Variants in CCDC80 observed in about 807,000 individuals in gnomAD.
CCDC80 encodes the protein coiled-coil domain containing 80.
A neutral mutation model predicts 78.7 loss-of-function variants in CCDC80; 49 were observed. That is an observed-to-expected ratio of 0.62 (90% CI 0.50 to 0.79). The LOEUF is 0.79. Ranked by LOEUF, CCDC80 falls within the 30% of genes least tolerant of loss-of-function variation. The pLI is 0.00. For missense variants in CCDC80, 1,205 were observed against 1,198.6 expected (o/e 1.01, Z -0.08); for synonymous variants, 488 against 447.0 (o/e 1.09, Z -1.16).
chr3:112,626,923 C>A (rs373548345), intron 3 of CCDC80, among the ~76,000 whole-genome samples: 2 of 152,130 alleles, frequency 1.3e-5, no homozygotes, highest in Admixed American at 6.5e-5. Flanking sequence ...CTCCTTGTTG[C>A]CATATTCCAC....
At position 112,602,741 on chromosome 3, in the gene CCDC80, G is replaced by T. The variant is rs1438047761; in HGVS notation, c.*2676C>A. On this transcript the variant is annotated 3_prime_UTR_variant, in exon 8 of 8. Coordinates refer to ENST00000206423, the MANE Select transcript of CCDC80 (RefSeq NM_199511.3). ...AGAAAAAAAGTTTGAAGGTAGCAGA[G>T]TCTGGTTCATGAGTTTGAAGAAAAG... 6.6e-6 allele frequency: 1 copy of T among 152,284 alleles called. No homozygotes were observed. 9.4% of individuals were successfully genotyped at this position (152,284 alleles called of 1,614,324 possible). A position where few individuals can be genotyped will look rare whatever the true frequency, so the allele number is the denominator to read the frequency against.
chr3:112,629,125 A>C (rs1321482568), intron 3 of CCDC80, among the ~76,000 whole-genome samples: 1 of 152,180 alleles, frequency 6.6e-6, no homozygotes, highest in Non-Finnish European at 1.5e-5. Flanking sequence ...CTGTGTGATA[A>C]TGTTATGTGT....
Position 112,640,802 on chromosome 3 carries a change from G to C in CCDC80, c.-487C>G, listed in dbSNP as rs1449044206. On this transcript the variant is annotated 5_prime_UTR_variant, in exon 1 of 8. Transcript: ENST00000206423. ...AGTCTGGCTTAGTCTCTTTGTTTCC[G>C]GGCGTAAAAGCACTGGGATTAATAT... 1 of 152,130 alleles carries C rather than the reference G, an allele frequency of 6.6e-6. No individual in the cohort carries two copies. The highest frequency in any genetic ancestry group is 1.5e-5 in the Non-Finnish European group (1 of 68,036). The allele number at this position is 152,130 out of a possible 1,614,324, so 9.4% of individuals were successfully genotyped here. A position where few individuals can be genotyped will look rare whatever the true frequency, so the allele number is the denominator to read the frequency against.
chr3:112,606,632 C>A (rs918493034), intron 7 of CCDC80, among the ~76,000 whole-genome samples: 3 of 147,792 alleles, frequency 2.0e-5, no homozygotes, highest in Non-Finnish European at 4.5e-5. Context: ...ACCATGTTGG[C>A]CAGGCTGGTT....
At chr3:112,632,839 G>C (rs1016927377) in intron 2 of CCDC80, among the ~76,000 whole-genome samples, 1 of 152,114 alleles carries the variant, frequency 6.6e-6, no homozygotes, top group East Asian at 1.9e-4. Context: ...GGCCCTCCAC[G>C]TTCTGGCCCC....
rs1935363537 is a variant in CCDC80 at position 112,600,983 on chromosome 3, C to T, written c.*4434G>A. 1.3e-5 allele frequency: 2 copies of T among 152,150 alleles called. No individual in the cohort carries two copies. Among genetic ancestry groups the T allele is most frequent in the Admixed American group, 1.3e-4 (2 of 15,276 alleles). 9.4% of individuals were successfully genotyped at this position (152,150 alleles called of 1,614,324 possible). A position where few individuals can be genotyped will look rare whatever the true frequency, so the allele number is the denominator to read the frequency against. On this transcript the variant is annotated 3_prime_UTR_variant, in exon 8 of 8. Coordinates refer to ENST00000206423, the MANE Select transcript of CCDC80 (RefSeq NM_199511.3). The stretch of plus-strand genomic sequence containing the variant: ...TCGACGTGGCTCACTTTCCTGCACA[C>T]CTCAGGCAGCTTGTACAGACTATCC...
chr3:112,613,497 TA>T (rs957108014), intron 5 of CCDC80, among the ~76,000 whole-genome samples: 15 of 151,166 alleles, frequency 9.9e-5, no homozygotes, highest in East Asian at 1.9e-4. Flanking sequence ...TTCTTGAGAA[TA>T]AAAAAAAATA....
chr3:112,597,995 G>A lies in CCDC80; in HGVS notation c.*7422C>T, dbSNP rs1386635744. On this transcript the variant is annotated 3_prime_UTR_variant, in exon 8 of 8. Coordinates refer to ENST00000206423, the MANE Select transcript of CCDC80 (RefSeq NM_199511.3). ...AAATGTTTGAATTATCGTATAACTT[G>A]AGTCTAAATTTTAAGTTAGTATCCT... The A allele has an allele frequency of 6.6e-6, 1 of 152,122 alleles. No individual in the cohort carries two copies. Among genetic ancestry groups the A allele is most frequent in the Non-Finnish European group, 1.5e-5 (1 of 68,040 alleles). 9.4% of individuals were successfully genotyped at this position (152,122 alleles called of 1,614,324 possible).
chr3:112,605,823 A>T, intron 7 of CCDC80, 60 bp from the exon 8 acceptor site: 2 of 1,390,654 alleles, frequency 1.4e-6, no homozygotes, highest in Non-Finnish European at 2.0e-6. Context: ...CCATGAAAAC[A>T]TTAAAGTGTG....
intron 3 of CCDC80, among the ~76,000 whole-genome samples, chr3:112,627,018 T>A (rs1935989859): frequency 6.6e-6 from 1 of 152,204 alleles, no homozygotes. Flanking sequence ...CCTTGCCCTA[T>A]TAAATGTCCT....
chr3:112,615,067 C>A (rs1420806947), intron 5 of CCDC80, among the ~76,000 whole-genome samples: 1 of 152,146 alleles, frequency 6.6e-6, no homozygotes, highest in African/African-American at 2.4e-5. Flanking sequence ...TGCTTGCTAT[C>A]GTTTTTAATT....
At chr3:112,623,403 C>G (rs73853929) in intron 3 of CCDC80, among the ~76,000 whole-genome samples, 4,476 of 152,328 alleles carry the variant, frequency 0.029, 91 homozygotes, top group Non-Finnish European at 0.041. Flanking sequence ...CCAACCCTCT[C>G]TTGCCTAAGT....
At chr3:112,613,318 A>G (rs766657356) in intron 5 of CCDC80, among the ~76,000 whole-genome samples, 9 of 152,318 alleles carry the variant, frequency 5.9e-5, no homozygotes, top group Non-Finnish European at 1.3e-4. Context: ...AGGCACCGCT[A>G]TGGGACATCC....
intron 1 of CCDC80, among the ~76,000 whole-genome samples, 197 bp downstream of exon 1, chr3:112,640,130 A>G (rs1186265284): frequency 6.6e-6 from 1 of 152,202 alleles, no homozygotes; most frequent in African/African-American, 2.4e-5. Flanking sequence ...TGTTTAACAG[A>G]GACAGTTACA....
chr3:112,624,490 C>G (rs980878731), intron 3 of CCDC80, among the ~76,000 whole-genome samples: 1 of 152,140 alleles, frequency 6.6e-6, no homozygotes, highest in Admixed American at 6.5e-5. Context: ...AACTTATTTC[C>G]TTTTGATTGG....
Position 112,630,184 on chromosome 3 carries a change from CT to C in CCDC80, c.1963del (p.Arg655GlyfsTer5). 6.2e-7 allele frequency: 1 copy of C among 1,613,918 alleles called. No homozygotes were observed. The highest frequency in any genetic ancestry group is 8.5e-7 in the Non-Finnish European group (1 of 1,179,862). On this transcript the variant is annotated frameshift_variant, in exon 3 of 8. Coordinates refer to ENST00000206423, the MANE Select transcript of CCDC80 (RefSeq NM_199511.3). LOFTEE classifies it high-confidence loss of function. The stretch of plus-strand genomic sequence containing the variant: ...GAAGATGGTGATCACAGAGATTTTC[CT>C]GGTAGCCATCTTGCAGAAACTTTCC... ...YLESFCKMAT[R>X]KISVITIFGP...
At position 112,604,148 on chromosome 3, in the gene CCDC80, GACA is replaced by G. The variant is rs1935425715; in HGVS notation, c.*1266_*1268del. On this transcript the variant is annotated 3_prime_UTR_variant, in exon 8 of 8. Coordinates refer to ENST00000206423, the MANE Select transcript of CCDC80 (RefSeq NM_199511.3). ...AAGTTGCTATGTACATTATTGAAATGACAACAAAGGATTTACAACATTACATAA... is the reference window on the plus strand; with the variant it reads ...AAGTTGCTATGTACATTATTGAAATGACAAAGGATTTACAACATTACATAA... 3 of 152,242 alleles carry G rather than the reference GACA, an allele frequency of 2.0e-5. No individual in the cohort carries two copies. The highest frequency in any genetic ancestry group is 2.0e-4 in the Admixed American group (3 of 15,284). The allele number at this position is 152,242 out of a possible 1,614,324, so 9.4% of individuals were successfully genotyped here.
intron 3 of CCDC80, among the ~76,000 whole-genome samples, chr3:112,620,177 T>TA (rs1433218137): frequency 6.6e-6 from 1 of 152,214 alleles, no homozygotes; most frequent in Non-Finnish European, 1.5e-5. Context: ...TCTTCATTAA[T>TA]AAAAAGGGGA....
chr3:112,621,514 T>C (rs1252487046), intron 3 of CCDC80, among the ~76,000 whole-genome samples: 5 of 152,184 alleles, frequency 3.3e-5, no homozygotes, highest in Admixed American at 6.5e-5. Context: ...TAGAAACTTG[T>C]CACTAAATGA....
Sources: gnomAD v4.1 joint callset for allele counts (sites outside exome capture counted in the v4.1 genomes callset) on GRCh38, gnomAD v4.1.1 for gene constraint, MANE v1.5 for transcripts, NCBI Gene and HGNC (gene_info 2026-07-23, HGNC 2026-07-21) for gene names.